The following NOVA1 variants were observed in gnomAD, a reference collection of about 807,000 sequenced individuals.
NOVA1 encodes RNA-binding protein Nova-1.
A neutral mutation model predicts 38.0 loss-of-function variants in NOVA1; 7 were observed. The ratio of observed to expected loss-of-function variants is 0.18; its 90% CI spans 0.10 to 0.35. The LOEUF is 0.35. NOVA1 is among the 10% of genes least tolerant of loss of function. The probability of loss-of-function intolerance (pLI) is 1.00; values close to 1 mark genes in which losing one functional copy is unlikely to be tolerated. For synonymous variants in NOVA1, 270 were observed against 232.5 expected, an observed-to-expected ratio of 1.16 and a Z score of -1.47; for missense variants, 460 against 616.0, an observed-to-expected ratio of 0.75 and a Z score of 2.68.
intron 4 of NOVA1, among the ~76,000 whole-genome samples, chr14:26,451,527 C>A (rs1175029358): frequency 6.6e-6 from 1 of 152,048 alleles, no homozygotes; most frequent in African/African-American, 2.4e-5. Context: ...CGCCACCATG[C>A]CCAGATAATT....
intron 2 of NOVA1, among the ~76,000 whole-genome samples, chr14:26,559,183 C>G (rs1738919257): frequency 6.6e-6 from 1 of 152,054 alleles, no homozygotes; most frequent in East Asian, 1.9e-4. Context: ...TTTCCTTTGT[C>G]ACTTCTATGG....
At chr14:26,535,356 A>G (rs1280899784) in intron 2 of NOVA1, among the ~76,000 whole-genome samples, 1 of 152,204 alleles carries the variant, frequency 6.6e-6, no homozygotes, top group Non-Finnish European at 1.5e-5. Context: ...TTTATTTAGG[A>G]AGGATAAAGT....
intron 2 of NOVA1, among the ~76,000 whole-genome samples, chr14:26,513,303 T>A (rs995843515): frequency 6.6e-6 from 1 of 151,916 alleles, no homozygotes; most frequent in Non-Finnish European, 1.5e-5. Flanking sequence ...TTAAATTTCT[T>A]AGAAAAATTA....
At chr14:26,592,346 C>A (rs530757043) in intron 2 of NOVA1, among the ~76,000 whole-genome samples, 3 of 150,648 alleles carry the variant, frequency 2.0e-5, no homozygotes, top group African/African-American at 7.3e-5. Flanking sequence ...TTGCTATAAC[C>A]TAGTTATAAA....
intron 4 of NOVA1, among the ~76,000 whole-genome samples, chr14:26,451,950 T>C (rs1882719184): frequency 1.3e-5 from 2 of 152,188 alleles, no homozygotes; most frequent in Non-Finnish European, 2.9e-5. Context: ...TAAAGATGTG[T>C]TATGACTTAA....
intron 2 of NOVA1, among the ~76,000 whole-genome samples, chr14:26,509,420 T>C (rs1465291646): frequency 1.3e-5 from 2 of 152,084 alleles, no homozygotes; most frequent in African/African-American, 2.4e-5. Context: ...AAAGATAAAA[T>C]TGTCAAAAGT....
chr14:26,541,857 T>C (rs911107978), intron 2 of NOVA1, among the ~76,000 whole-genome samples: 3 of 151,720 alleles, frequency 2.0e-5, no homozygotes, highest in African/African-American at 4.8e-5. Context: ...CTTATGAAAA[T>C]ACACAAAATG....
At chr14:26,583,172 A>G (rs1245274703) in intron 2 of NOVA1, among the ~76,000 whole-genome samples, 1 of 151,788 alleles carries the variant, frequency 6.6e-6, no homozygotes, top group Admixed American at 6.6e-5. Flanking sequence ...ACAAAATAGA[A>G]TATCATTTTA....
At chr14:26,521,947 T>TA (rs151169267) in intron 2 of NOVA1, among the ~76,000 whole-genome samples, 4,695 of 152,166 alleles carry the variant, frequency 0.031, 102 homozygotes, top group Non-Finnish European at 0.043. Flanking sequence ...TTTCCTTAAT[T>TA]AGAGTTCAAA....
rs922023452 is a variant in NOVA1 at position 26,529,940 on chromosome 14, AT to A, written c.281-49798del. Among the ~76,000 whole-genome samples the A allele has an allele frequency of 3.9e-3, 577 of 149,674 alleles. 6 individuals carry two copies. Among genetic ancestry groups the A allele is most frequent in the African/African-American group, 0.013 (547 of 40,728 alleles). ...AACTATCTGAATCTAAAAATGGCTC[AT>A]TTTTTTTTCACTCTGTCGCCCAGGC... On this transcript the variant is annotated intron_variant, in intron 2 of 4. Transcript: ENST00000539517.
rs779410023 is a variant in NOVA1 at position 26,531,006 on chromosome 14, C to G, written c.281-50863G>C. 5.3e-5 allele frequency among the ~76,000 whole-genome samples: 8 copies of G among 152,094 alleles called. No homozygotes were observed. The East Asian group carries it at 1.5e-3, about 29-fold the overall frequency. The stretch of plus-strand genomic sequence containing the variant: ...CATTAATATGTACATTCATTCTATA[C>G]AGAATGTTAGCAGTCTCCACCTAAA... On this transcript the variant is annotated intron_variant, in intron 2 of 4. Transcript: ENST00000539517.
chr14:26,457,342 G>C (rs1823649314), intron 4 of NOVA1, among the ~76,000 whole-genome samples: 2 of 152,082 alleles, frequency 1.3e-5, no homozygotes, highest in African/African-American at 4.8e-5. Context: ...TTACAGTCCA[G>C]TGGTATAATA....
chr14:26,477,016 C>T (rs996807889), intron 3 of NOVA1, among the ~76,000 whole-genome samples: 3 of 152,108 alleles, frequency 2.0e-5, no homozygotes, highest in Admixed American at 6.5e-5. Flanking sequence ...TGCCTGGCCA[C>T]GCCTCTGAAT....
intron 2 of NOVA1, among the ~76,000 whole-genome samples, chr14:26,581,893 T>C (rs1893249455): frequency 1.3e-5 from 2 of 151,942 alleles, no homozygotes; most frequent in Non-Finnish European, 2.9e-5. Flanking sequence ...TACCTTTCAC[T>C]ATCTTATATT....
At chr14:26,572,725 A>AGTGTGTGTGTGTGTGTGTGTGTGT (rs56021646) in intron 2 of NOVA1, among the ~76,000 whole-genome samples, 34 of 138,528 alleles carry the variant, frequency 2.5e-4, no homozygotes, top group South Asian at 5.3e-4. Context: ...AAGGAACCGC[A>AGTGTGTGTGTGTGTGTGTGTGTGT]GTGTGTGTGT....
At chr14:26,561,372 C>T (rs1324065334) in intron 2 of NOVA1, among the ~76,000 whole-genome samples, 2 of 152,210 alleles carry the variant, frequency 1.3e-5, no homozygotes, top group Non-Finnish European at 2.9e-5. Flanking sequence ...TTTGAACTCT[C>T]TTGATTTTGA....
At chr14:26,475,739 A>AT (rs1193599633) in intron 3 of NOVA1, among the ~76,000 whole-genome samples, 3 of 152,206 alleles carry the variant, frequency 2.0e-5, no homozygotes, top group Non-Finnish European at 4.4e-5. Flanking sequence ...GTTTTTTAAA[A>AT]AATCAAGAAT....
At position 26,448,700 on chromosome 14, in the gene NOVA1, T is replaced by G; in HGVS notation, c.783A>C (p.Pro261=). ...LNISYANVTG[P]VANSNPTGSP... ...ATCCGGTTGGATTGGAATTTGCCAC[T>G]GGACCTGTCACATTGGCATAACTGA... Residue 261 remains proline (P), a synonymous_variant, in exon 5 of 5, where the codon CCA becomes CCC. Coordinates refer to ENST00000539517, the MANE Select transcript of NOVA1 (RefSeq NM_002515.3). This position sits in a 1 kb window ranked among gnomAD's most constrained non-coding sequence, Gnocchi z 5.3. 1 of 1,614,244 alleles carries G rather than the reference T, an allele frequency of 6.2e-7. No individual in the cohort carries two copies. The highest frequency in any genetic ancestry group is 2.2e-5 in the East Asian group (1 of 44,876).
At chr14:26,526,656 C>T (rs554217484) in intron 2 of NOVA1, among the ~76,000 whole-genome samples, 34 of 152,160 alleles carry the variant, frequency 2.2e-4, no homozygotes, top group Non-Finnish European at 4.3e-4. Flanking sequence ...TACATTTTAT[C>T]TGAAAGAAAC....
Sources: allele counts gnomAD v4.1 joint callset (sites outside exome capture counted in the v4.1 genomes callset), GRCh38; gene constraint gnomAD v4.1.1; non-coding constraint Gnocchi (gnomAD v3.1); transcripts MANE v1.5; gene names NCBI Gene and HGNC (gene_info 2026-07-23, HGNC 2026-07-21).